The following TMEM63A variants were observed in gnomAD, a reference collection of about 807,000 sequenced individuals.
TMEM63A encodes mechanosensitive cation channel TMEM63A.
TMEM63A carries 76 observed loss-of-function variants against 100.6 expected under a neutral mutation model. The ratio of observed to expected loss-of-function variants is 0.76; its 90% CI spans 0.63 to 0.91. The LOEUF is 0.91. TMEM63A is among the 40% of genes least tolerant of loss of function. The probability of loss-of-function intolerance (pLI) is 0.00; values close to 1 mark genes in which losing one functional copy is unlikely to be tolerated. For synonymous variants in TMEM63A, 401 were observed against 401.1 expected (o/e 1.00, Z 0.00); for missense variants, 876 against 1,008.8 (o/e 0.87, Z 1.78).
At chr1:225,841,185 G>A (rs1402138676), downstream of TMEM63A, 2 of 152,190 alleles carry the variant, frequency 1.3e-5, no homozygotes, top group African/African-American at 4.8e-5. Flanking sequence ...GCCTGTTTAA[G>A]TCCTATGAAT....
At position 225,849,942 on chromosome 1, in the gene TMEM63A, A is replaced by G. The variant is rs1559033511; in HGVS notation, c.2041T>C (p.Trp681Arg). The G allele has an allele frequency of 1.2e-6, 2 of 1,614,196 alleles. No individual in the cohort carries two copies. The highest frequency in any genetic ancestry group is 1.7e-6 in the Non-Finnish European group (2 of 1,180,034). Residue 681 changes from tryptophan (W) to arginine (R), a missense_variant, in exon 21 of 25, where the codon TGG (tryptophan) becomes CGG (arginine). This residue lies in a region of TMEM63A where 339 missense variants were observed against 342.3 expected (regional missense o/e 0.99). Coordinates refer to ENST00000366835, the MANE Select transcript of TMEM63A (RefSeq NM_014698.3). ...CGCAGGAAGGAAAAGAAGTAGAGCC[A>G]GAAGAGGCACAGGATGGGGGCTGCC... Reference protein sequence around the residue: ...ALAAPILCLFWLYFFSFLRLG... With the variant: ...ALAAPILCLFRLYFFSFLRLG...
At chr1:225,861,928 A>C in intron 13 of TMEM63A, 1 of 488,382 alleles carries the variant, frequency 2.0e-6, no homozygotes, top group Non-Finnish European at 3.7e-6. Context: ...GGATGGGTCC[A>C]GGGCAGCAGG....
downstream of TMEM63A, among the ~76,000 whole-genome samples, chr1:225,842,954 G>A (rs976113916): frequency 2.0e-5 from 3 of 152,182 alleles, no homozygotes; most frequent in African/African-American, 7.2e-5. Context: ...GCCTGACTCA[G>A]GCTTCACCAA....
Position 225,848,549 on chromosome 1 carries a change from T to C in TMEM63A, c.2193A>G (p.Glu731=), listed in dbSNP as rs781357765. Residue 731 remains glutamate, a synonymous_variant, in exon 23 of 25, where the codon GAA becomes GAG. Coordinates refer to ENST00000366835, the MANE Select transcript of TMEM63A (RefSeq NM_014698.3). The part of the protein sequence containing the change: ...KHLSPLNYKT[E]EPASDKGSEA... ...CACTTCCTTTGTCACTTGCAGGCTC[T>C]TCTGTCTGCAGATAACAGCAAAAAC... 6.2e-7 allele frequency: 1 copy of C among 1,614,112 alleles called. No homozygotes were observed. The highest frequency in any genetic ancestry group is 1.1e-5 in the South Asian group (1 of 91,084).
chr1:225,853,850 G>A lies in TMEM63A; in HGVS notation c.1635-59C>T. The A allele has an allele frequency of 1.3e-6, 2 of 1,484,592 alleles. No individual in the cohort carries two copies. The highest frequency in any genetic ancestry group is 1.8e-6 in the Non-Finnish European group (2 of 1,116,444). 92.0% of individuals were successfully genotyped at this position (1,484,592 alleles called of 1,614,324 possible). Reference sequence around the variant, plus strand: ...GAGCCGCTCTTGGAGGGAGAGGAGGGGCCCCTAGGCTGGGCAGGAGCAGAA... The same window carrying A: ...GAGCCGCTCTTGGAGGGAGAGGAGGAGCCCCTAGGCTGGGCAGGAGCAGAA... On this transcript the variant is annotated intron_variant, in intron 18 of 24. Transcript: ENST00000366835. The surrounding 1 kb of genome is among the most constrained non-coding windows in gnomAD (Gnocchi z 4.0).
downstream of TMEM63A, among the ~76,000 whole-genome samples, chr1:225,843,485 C>T (rs1190485262): frequency 6.6e-6 from 1 of 152,204 alleles, no homozygotes; most frequent in African/African-American, 2.4e-5. Flanking sequence ...TCTGTTTCCC[C>T]TGCCCTACAT....
intron 3 of TMEM63A, 99 bp downstream of exon 3, chr1:225,877,296 G>C (rs1050890509): frequency 5.1e-6 from 7 of 1,370,324 alleles, no homozygotes; most frequent in East Asian, 4.9e-5. Flanking sequence ...TTTAAACCCA[G>C]CTATGTCTGA....
downstream of TMEM63A, chr1:225,845,096 A>AG (rs1019197129): frequency 2.5e-6 from 4 of 1,598,194 alleles, no homozygotes; most frequent in Non-Finnish European, 3.4e-6. Flanking sequence ...TGCAGGACGG[A>AG]GGGGCGCAGG....
chr1:225,881,712 G>A (rs919012599), intron 1 of TMEM63A, among the ~76,000 whole-genome samples: 10 of 152,186 alleles, frequency 6.6e-5, no homozygotes, highest in Non-Finnish European at 1.5e-4. Context: ...GCCCCTCCAG[G>A]GCCTCAGGTA....
At position 225,862,075 on chromosome 1, in the gene TMEM63A, G is replaced by T; in HGVS notation, c.1085+143C>A. 1.6e-6 allele frequency: 2 copies of T among 1,278,936 alleles called. No homozygotes were observed. The highest frequency in any genetic ancestry group is 2.1e-6 in the Non-Finnish European group (2 of 937,858). The allele number at this position is 1,278,936 out of a possible 1,614,324, so 79.2% of individuals were successfully genotyped here. ...GGCTGGCTGAAAGTGAGTGTGGGTA[G>T]CTGAGGGAGGAGAAGGAAACACCAC... On this transcript the variant is annotated intron_variant, in intron 13 of 24. Coordinates refer to ENST00000366835, the MANE Select transcript of TMEM63A (RefSeq NM_014698.3). The surrounding 1 kb of genome is among the most constrained non-coding windows in gnomAD (Gnocchi z 5.1).
chr1:225,877,266 G>C lies in TMEM63A; in HGVS notation c.186+129C>G, dbSNP rs555866609. The C allele has an allele frequency of 2.4e-4, 252 of 1,054,140 alleles. 2 individuals are homozygous for C. In the South Asian group the frequency reaches 4.4e-3, roughly 18 times the overall value. 65.3% of individuals were successfully genotyped at this position (1,054,140 alleles called of 1,614,324 possible). A position where few individuals can be genotyped will look rare whatever the true frequency, so the allele number is the denominator to read the frequency against. ...AGTAACACGCCTAAGTCACAGAGCT[G>C]GTAAGCAGCAGAGTTGAGATTTAAA... is the stretch of plus-strand genomic sequence containing the variant. On this transcript the variant is annotated intron_variant, in intron 3 of 24. Transcript: ENST00000366835.
chr1:225,861,276 C>T (rs1669919538), intron 13 of TMEM63A: 3 of 256,438 alleles, frequency 1.2e-5, no homozygotes, highest in Non-Finnish European at 2.2e-5. Flanking sequence ...ATAGGGCCAT[C>T]CCCCTCCACC....
Position 225,845,577 on chromosome 1 carries a change from A to G in TMEM63A, c.*1362T>C, listed in dbSNP as rs1429076383. On this transcript the variant is annotated 3_prime_UTR_variant, in exon 25 of 25. Transcript: ENST00000366835. ...TTTACTCTAAAAGCGGCTGGAACTCAGTGACATGAGCGTGCGCTGACCCCA... is the reference window on the plus strand; with the variant it reads ...TTTACTCTAAAAGCGGCTGGAACTCGGTGACATGAGCGTGCGCTGACCCCA... 3.4e-6 allele frequency: 2 copies of G among 594,914 alleles called. No individual in the cohort carries two copies. The highest frequency in any genetic ancestry group is 6.0e-6 in the Non-Finnish European group (2 of 335,164). The allele number at this position is 594,914 out of a possible 1,614,324, so 36.9% of individuals were successfully genotyped here.
rs557058925 is a variant in TMEM63A, at chr1:225,848,999, G to A, written c.2085C>T (p.Pro695=). 22 of 1,586,370 alleles carry A rather than the reference G, an allele frequency of 1.4e-5. No homozygotes were observed. Among genetic ancestry groups the A allele is most frequent in the South Asian group, 1.4e-4 (12 of 86,662 alleles). The change falls in exon 22 of 25, where the codon CCC becomes CCT. Residue 695 remains proline, a synonymous_variant. Coordinates refer to ENST00000366835, the MANE Select transcript of TMEM63A (RefSeq NM_014698.3). ...FSFLRLGMKA[P]ATLFTFLVLL... ...GCACCAGGAAGGTGAACAGAGTGGCGGGGGCCTTCATACCTGGTGATAGAG... is the reference window on the plus strand; with the variant it reads ...GCACCAGGAAGGTGAACAGAGTGGCAGGGGCCTTCATACCTGGTGATAGAG...
At chr1:225,863,042 G>A (rs1670023555) in intron 10 of TMEM63A, 191 bp from the exon 11 acceptor site, 2 of 611,498 alleles carry the variant, frequency 3.3e-6, no homozygotes, top group Non-Finnish European at 5.8e-6. Flanking sequence ...TTAATACAAA[G>A]AGGGCTTTTG....
chr1:225,856,327 GTTTTT>G (rs71574544), intron 17 of TMEM63A, among the ~76,000 whole-genome samples: 3 of 108,042 alleles, frequency 2.8e-5, no homozygotes, highest in Admixed American at 9.4e-5. Flanking sequence ...TTTCAAGCTG[GTTTTT>G]TTTTTTTTTT....
Position 225,867,288 on chromosome 1 carries a change from C to T in TMEM63A, c.515-125G>A, listed in dbSNP as rs996409136. ...CATGTCTGGACCAGCAGGAAGACAACGTCTGACTGGTCTTTCCAGAGCTAC... is the reference window on the plus strand; with the variant it reads ...CATGTCTGGACCAGCAGGAAGACAATGTCTGACTGGTCTTTCCAGAGCTAC... On this transcript the variant is annotated intron_variant, in intron 7 of 24. Coordinates refer to ENST00000366835, the MANE Select transcript of TMEM63A (RefSeq NM_014698.3). The surrounding 1 kb of genome is among the most constrained non-coding windows in gnomAD (Gnocchi z 4.6). 19 of 970,346 alleles carry T rather than the reference C, an allele frequency of 2.0e-5. No homozygotes were observed. Among genetic ancestry groups the T allele is most frequent in the East Asian group, 1.2e-4 (5 of 41,906 alleles). The allele number at this position is 970,346 out of a possible 1,614,324, so 60.1% of individuals were successfully genotyped here. A position where few individuals can be genotyped will look rare whatever the true frequency, so the allele number is the denominator to read the frequency against.
rs1669481159 is a variant in TMEM63A at position 225,853,888 on chromosome 1, G to A, written c.1635-97C>T. 1 of 1,215,218 alleles carries A rather than the reference G, an allele frequency of 8.2e-7. No homozygotes were observed. Among genetic ancestry groups the A allele is most frequent in the South Asian group, 1.6e-5 (1 of 61,628 alleles). 75.3% of individuals were successfully genotyped at this position (1,215,218 alleles called of 1,614,324 possible). ...GGCAGGAGCAGAAAGCCCCTGGGAG[G>A]GCTGTATACTCTTCCGTTCATTCAG... is the stretch of plus-strand genomic sequence containing the variant. On this transcript the variant is annotated intron_variant, in intron 18 of 24. Coordinates refer to ENST00000366835, the MANE Select transcript of TMEM63A (RefSeq NM_014698.3). The surrounding 1 kb of genome is among the most constrained non-coding windows in gnomAD (Gnocchi z 4.0).
downstream of TMEM63A, chr1:225,845,535 C>T (rs1668903507): frequency 1.6e-6 from 1 of 627,854 alleles, no homozygotes; most frequent in Non-Finnish European, 2.8e-6. Context: ...AGCAACATGG[C>T]TTTGATGATA....
Sources: allele counts gnomAD v4.1 joint callset (sites outside exome capture counted in the v4.1 genomes callset), GRCh38; gene constraint gnomAD v4.1.1; regional missense constraint gnomAD v4.1.1; non-coding constraint Gnocchi (gnomAD v3.1); transcripts MANE v1.5; gene names NCBI Gene and HGNC (gene_info 2026-07-23, HGNC 2026-07-21).